The following SLC49A4 variants were observed in gnomAD, a reference collection of about 807,000 sequenced individuals.
The protein encoded by SLC49A4 is disrupted in renal cancer protein 2.
Under a neutral mutation model 50.6 loss-of-function variants are expected in SLC49A4, and 36 were observed. That is an observed-to-expected ratio of 0.71 (90% CI 0.55 to 0.94). The LOEUF (loss-of-function observed/expected upper bound fraction) is 0.94. Among genes scored for constraint, SLC49A4 ranks in the 40% least tolerant of loss-of-function variants. The pLI is 0.00. For missense variants in SLC49A4, 503 were observed against 605.7 expected, an observed-to-expected ratio of 0.83 and a Z score of 1.78; for synonymous variants, 248 against 241.2, an observed-to-expected ratio of 1.03 and a Z score of -0.26.
At chr3:122,832,726 C>G (rs1051967567) in intron 3 of SLC49A4, among the ~76,000 whole-genome samples, 1 of 152,108 alleles carries the variant, frequency 6.6e-6, no homozygotes, top group African/African-American at 2.4e-5. Context: ...TGTTTACTTC[C>G]TCAGTCTTTT....
At chr3:122,869,223 AC>A (rs5852316) in intron 7 of SLC49A4, among the ~76,000 whole-genome samples, 6 of 150,782 alleles carry the variant, frequency 4.0e-5, no homozygotes, top group Non-Finnish European at 5.9e-5. Context: ...CTCTCCTGTG[AC>A]CCCCCCCAGT....
intron 7 of SLC49A4, among the ~76,000 whole-genome samples, chr3:122,861,772 G>T (rs993346571): frequency 2.0e-5 from 3 of 152,176 alleles, no homozygotes; most frequent in South Asian, 4.1e-4. Context: ...GGATAAGATT[G>T]CCCTATACTC....
intron 2 of SLC49A4, among the ~76,000 whole-genome samples, chr3:122,824,706 CCTTTCCTTTCTTTTTTTTTCCTT>C (rs1936501238): frequency 7.1e-6 from 1 of 141,134 alleles, no homozygotes; most frequent in Non-Finnish European, 1.5e-5. Context: ...TTCTTCCTTT[CCTTTCCTTTCTTTTTTTTTCCTT>C]CTTTTTTTTT....
chr3:122,874,709 G>A (rs1426107915), intron 8 of SLC49A4, among the ~76,000 whole-genome samples: 1 of 152,204 alleles, frequency 6.6e-6, no homozygotes, highest in East Asian at 1.9e-4. Context: ...CACCCAGGTA[G>A]TGAGCATAGT....
At position 122,821,069 on chromosome 3, in the gene SLC49A4, G is replaced by A. The variant is rs188635000; in HGVS notation, c.438-5731G>A. 1.3e-3 allele frequency among the ~76,000 whole-genome samples: 202 copies of A among 152,322 alleles called. 1 individual carries two copies. The highest frequency in any genetic ancestry group is 3.7e-3 in the Admixed American group (57 of 15,306). On this transcript the variant is annotated intron_variant, in intron 2 of 8. Coordinates refer to ENST00000261038, the MANE Select transcript of SLC49A4 (RefSeq NM_032839.3). ...TCGTGAGATCTGATGGTTTTATAAAGGGCATTTCCCCTGCACACACTGTCT... is the reference window on the plus strand; with the variant it reads ...TCGTGAGATCTGATGGTTTTATAAAAGGCATTTCCCCTGCACACACTGTCT...
intron 2 of SLC49A4, among the ~76,000 whole-genome samples, chr3:122,817,156 GA>G (rs1226115807): frequency 6.6e-6 from 1 of 152,140 alleles, no homozygotes; most frequent in Non-Finnish European, 1.5e-5. Context: ...CTCCACATGG[GA>G]AAGATATTTT....
At chr3:122,868,263 T>C (rs1040215280) in intron 7 of SLC49A4, among the ~76,000 whole-genome samples, 1 of 152,214 alleles carries the variant, frequency 6.6e-6, no homozygotes, top group Admixed American at 6.5e-5. Flanking sequence ...AACTGTAGTT[T>C]GTGCTACACA....
At chr3:122,812,166 A>G (rs1936308828) in intron 2 of SLC49A4, among the ~76,000 whole-genome samples, 1 of 152,100 alleles carries the variant, frequency 6.6e-6, no homozygotes, top group Non-Finnish European at 1.5e-5. Flanking sequence ...ATTTTGCCTG[A>G]GTTGGTCTCA....
intron 7 of SLC49A4, among the ~76,000 whole-genome samples, chr3:122,862,819 G>A (rs2107580539): frequency 6.6e-6 from 1 of 152,288 alleles, no homozygotes; most frequent in African/African-American, 2.4e-5. Flanking sequence ...TCTCTGGGTA[G>A]AATATTAAGA....
In SLC49A4 at chr3:122,833,429, C is replaced by G; in HGVS notation, c.816C>G (p.Ser272Arg). ...GCCAGCGGCTGAGTTATCGGAGAAG[C>G]GTTTGTAGATTATTAAGGTAAATAT... Reference protein sequence around the residue: ...AASQRLSYRRSVCRLLSNFRF... With the variant: ...AASQRLSYRRRVCRLLSNFRF... Residue 272 changes from serine (S) to arginine (R), a missense_variant, in exon 4 of 9, where the codon AGC becomes AGG. Physicochemically the swap from Ser to Arg is moderately radical, Grantham distance 110 (BLOSUM62 -1). Transcript: ENST00000261038. The G allele has an allele frequency of 6.2e-7, 1 of 1,613,294 alleles. No homozygotes were observed. Among genetic ancestry groups the G allele is most frequent in the Non-Finnish European group, 8.5e-7 (1 of 1,179,506 alleles).
At chr3:122,864,148 C>G (rs1432079856) in intron 7 of SLC49A4, among the ~76,000 whole-genome samples, 2 of 152,168 alleles carry the variant, frequency 1.3e-5, no homozygotes, top group African/African-American at 4.8e-5. Context: ...CTGGGTCATT[C>G]CAGTCTATCC....
At chr3:122,849,710 T>C (rs1255360223) in intron 5 of SLC49A4, among the ~76,000 whole-genome samples, 2 of 152,142 alleles carry the variant, frequency 1.3e-5, no homozygotes, top group African/African-American at 4.8e-5. Context: ...GGGTTCCTTA[T>C]AGATAGATAG....
At chr3:122,839,784 C>T (rs1043576731) in intron 4 of SLC49A4, among the ~76,000 whole-genome samples, 1 of 152,098 alleles carries the variant, frequency 6.6e-6, no homozygotes, top group Admixed American at 6.6e-5. Context: ...TTATACACTG[C>T]TGGTAGGAAT....
chr3:122,822,110 T>A (rs1201026385), intron 2 of SLC49A4, among the ~76,000 whole-genome samples: 1 of 152,124 alleles, frequency 6.6e-6, no homozygotes, highest in African/African-American at 2.4e-5. Flanking sequence ...GGACCTTAAC[T>A]TTTACCTAGC....
chr3:122,847,178 AAGAGG>A (rs1936864562), intron 5 of SLC49A4, among the ~76,000 whole-genome samples: 2 of 152,258 alleles, frequency 1.3e-5, no homozygotes, highest in South Asian at 4.1e-4. Context: ...CAAAAATCTG[AAGAGG>A]AGAGAGTTTG....
intron 8 of SLC49A4, 53 bp from the exon 9 acceptor site, chr3:122,879,210 G>A (rs1177498843): frequency 8.7e-6 from 11 of 1,261,808 alleles, no homozygotes; most frequent in Admixed American, 5.1e-5. Flanking sequence ...TACAGGTGGT[G>A]GTCTGCTGGT....
intron 2 of SLC49A4, among the ~76,000 whole-genome samples, chr3:122,821,126 C>T (rs913983939): frequency 6.6e-6 from 1 of 152,212 alleles, no homozygotes; most frequent in African/African-American, 2.4e-5. Context: ...TGCCTTTACT[C>T]CTCCTTCGCT....
At chr3:122,834,417 A>T (rs984080807) in intron 4 of SLC49A4, among the ~76,000 whole-genome samples, 3 of 152,214 alleles carry the variant, frequency 2.0e-5, no homozygotes, top group East Asian at 3.8e-4. Flanking sequence ...AGGAACCCTC[A>T]AAACTGTACA....
chr3:122,875,527 T>C (rs1332671812), intron 8 of SLC49A4, among the ~76,000 whole-genome samples: 2 of 152,132 alleles, frequency 1.3e-5, no homozygotes, highest in African/African-American at 4.8e-5. Flanking sequence ...ATTTTTTGTA[T>C]TTTTTGTAGA....
Sources: gnomAD v4.1 joint callset for allele counts (sites outside exome capture counted in the v4.1 genomes callset) on GRCh38, gnomAD v4.1.1 for gene constraint, MANE v1.5 for transcripts, NCBI Gene and HGNC (gene_info 2026-07-23, HGNC 2026-07-21) for gene names.